The following TSTD2 variants were observed in gnomAD, a reference collection of about 807,000 sequenced individuals.
The protein encoded by TSTD2 is thiosulfate sulfurtransferase/rhodanese-like domain-containing protein 2.
A neutral mutation model predicts 47.9 loss-of-function variants in TSTD2; 37 were observed. That is an observed-to-expected ratio of 0.77 (90% CI 0.59 to 1.02). TSTD2 has a LOEUF of 1.02. Among genes scored for constraint, TSTD2 ranks in the 50% least tolerant of loss-of-function variants. TSTD2 has a pLI of 0.00. For synonymous variants in TSTD2, 201 were observed against 215.9 expected, an observed-to-expected ratio of 0.93 and a Z score of 0.61; for missense variants, 586 against 616.0, an observed-to-expected ratio of 0.95 and a Z score of 0.52.
At chr9:97,631,173 G>A (rs546306859) in intron 1 of TSTD2, among the ~76,000 whole-genome samples, 1 of 152,270 alleles carries the variant, frequency 6.6e-6, no homozygotes, top group East Asian at 1.9e-4. Flanking sequence ...CTGGAGTGCA[G>A]TGGGGTGATC....
At chr9:97,623,084 C>T (rs984131046) in intron 3 of TSTD2, among the ~76,000 whole-genome samples, 1 of 152,212 alleles carries the variant, frequency 6.6e-6, no homozygotes, top group African/African-American at 2.4e-5. Context: ...TGTGCCCCCA[C>T]CCAAATCTCA....
chr9:97,604,756 GC>G lies in TSTD2; in HGVS notation c.1222del (p.Ala408LeufsTer35). Reference sequence around the variant, plus strand: ...CACCACATCACTGTTGTAGGACAGAGCATAGCGTTCATCAAAAACAAACAAC... The same window carrying G: ...CACCACATCACTGTTGTAGGACAGAGATAGCGTTCATCAAAAACAAACAAC... Reference protein sequence around the residue: ...GKLFVFDERYALSYNSDVVSE... With the variant: ...GKLFVFDERYXLSYNSDVVSE... On this transcript the variant is annotated frameshift_variant, in exon 9 of 10. Transcript: ENST00000341170. LOFTEE classifies it high-confidence loss of function. 6.2e-7 allele frequency: 1 copy of G among 1,614,226 alleles called. No homozygotes were observed. Among genetic ancestry groups the G allele is most frequent in the East Asian group, 2.2e-5 (1 of 44,884 alleles).
intron 5 of TSTD2, 104 bp downstream of exon 5, chr9:97,611,470 T>G: frequency 7.7e-7 from 1 of 1,307,100 alleles, no homozygotes; most frequent in Non-Finnish European, 1.0e-6. Flanking sequence ...GAAAGGGTAT[T>G]TATTTGGCAC....
At chr9:97,619,145 T>C (rs1371488673) in intron 3 of TSTD2, among the ~76,000 whole-genome samples, 1 of 152,214 alleles carries the variant, frequency 6.6e-6, no homozygotes, top group Non-Finnish European at 1.5e-5. Flanking sequence ...AAGGCAGGCA[T>C]TATTATTCCA....
At position 97,601,572 on chromosome 9, in the gene TSTD2, GA is replaced by G; in HGVS notation, c.*896del. On this transcript the variant is annotated 3_prime_UTR_variant, in exon 10 of 10. Coordinates refer to ENST00000341170, the MANE Select transcript of TSTD2 (RefSeq NM_139246.5). ...AAGGCCACCTCTGCCTCTATCAGAT[GA>G]GCTGCTGGTCTAGATCAGGGGCTGG... 2 of 987,728 alleles carry G rather than the reference GA, an allele frequency of 2.0e-6. No individual in the cohort carries two copies. Among genetic ancestry groups the G allele is most frequent in the Non-Finnish European group, 2.4e-6 (2 of 831,506 alleles). 61.2% of individuals were successfully genotyped at this position (987,728 alleles called of 1,614,324 possible).
intron 3 of TSTD2, among the ~76,000 whole-genome samples, chr9:97,620,473 C>A (rs1313318098): frequency 6.6e-6 from 1 of 152,096 alleles, no homozygotes; most frequent in Admixed American, 6.5e-5. Flanking sequence ...AAAAGACACC[C>A]AAAAAGGTGG....
intron 3 of TSTD2, among the ~76,000 whole-genome samples, chr9:97,622,633 T>G (rs1240786493): frequency 6.6e-6 from 1 of 152,104 alleles, no homozygotes; most frequent in Non-Finnish European, 1.5e-5. Context: ...GTGAAAGCAG[T>G]CAGGAGGGAG....
chr9:97,615,242 C>G (rs1362250811), intron 4 of TSTD2, among the ~76,000 whole-genome samples: 2 of 152,196 alleles, frequency 1.3e-5, no homozygotes, highest in Non-Finnish European at 2.9e-5. Context: ...TTGTAAGAAA[C>G]TGAGAAGAAC....
At chr9:97,618,023 G>T in intron 3 of TSTD2, 146 bp from the exon 4 acceptor site, 1 of 1,091,896 alleles carries the variant, frequency 9.2e-7, no homozygotes, top group Non-Finnish European at 1.3e-6. Context: ...TTCTCCTCCT[G>T]AAATGAGAAG....
intron 4 of TSTD2, among the ~76,000 whole-genome samples, chr9:97,613,867 C>T (rs565536834): frequency 3.0e-3 from 426 of 141,368 alleles, no homozygotes; most frequent in African/African-American, 0.011. Context: ...CTCGCTGTGT[C>T]GCCCAGACTG....
intron 9 of TSTD2, chr9:97,603,200 G>C (rs1261192789): frequency 5.8e-6 from 1 of 173,296 alleles, no homozygotes; most frequent in African/African-American, 2.4e-5. Context: ...GTGAACATGC[G>C]CAGTCCACAC....
chr9:97,604,862 C>T lies in TSTD2; in HGVS notation c.1117G>A (p.Val373Met), dbSNP rs372665959. 8 of 1,613,818 alleles carry T rather than the reference C, an allele frequency of 5.0e-6. No individual in the cohort carries two copies. In the African/African-American group the frequency reaches 5.3e-5, roughly 11 times the overall value. The change falls in exon 9 of 10, where the codon GTG becomes ATG. Residue 373 changes from valine (V) to methionine (M), a missense_variant. By Grantham distance (21) the Val-to-Met change is conservative. Transcript: ENST00000341170. ...TTGAGCTGGAACACCTCCTTGCACACTCCCTAGGTGTGGAAAAACAACAGG... is the reference window on the plus strand; with the variant it reads ...TTGAGCTGGAACACCTCCTTGCACATTCCCTAGGTGTGGAAAAACAACAGG... ...RGSAYLKAKG[V>M]CKEVFQLKGG...
At chr9:97,630,505 AC>A (rs1169185476) in intron 1 of TSTD2, among the ~76,000 whole-genome samples, 15,754 of 152,140 alleles carry the variant, frequency 0.1, 2,789 homozygotes, top group African/African-American at 0.36. Context: ...AAACAAACAA[AC>A]AAATCATGAA....
Position 97,606,666 on chromosome 9 carries a change from A to G in TSTD2, c.836-405T>C, listed in dbSNP as rs183330531. Among the ~76,000 whole-genome samples, 545 of 152,320 alleles carry G rather than the reference A, an allele frequency of 3.6e-3. 8 individuals carry two copies. Among genetic ancestry groups the G allele is most frequent in the Non-Finnish European group, 3.0e-3 (201 of 68,042 alleles). ...GGCCACTGCTCTATTGTCACTGTAC[A>G]TGGAGGAGCTGGGCAAGTACGTGGC... On this transcript the variant is annotated intron_variant, in intron 6 of 9. Coordinates refer to ENST00000341170, the MANE Select transcript of TSTD2 (RefSeq NM_139246.5).
chr9:97,623,368 T>G (rs1347471655), intron 3 of TSTD2, among the ~76,000 whole-genome samples: 1 of 152,212 alleles, frequency 6.6e-6, no homozygotes, highest in Non-Finnish European at 1.5e-5. Flanking sequence ...ACCTCTTTCT[T>G]TTGTAAATTG....
chr9:97,605,909 C>A (rs974169513), intron 7 of TSTD2, among the ~76,000 whole-genome samples: 4 of 152,336 alleles, frequency 2.6e-5, no homozygotes, highest in Admixed American at 1.3e-4. Flanking sequence ...AAGGCAGGCT[C>A]ATGGGAGTCA....
intron 4 of TSTD2, among the ~76,000 whole-genome samples, 154 bp downstream of exon 4, chr9:97,617,603 G>C (rs1023625714): frequency 6.6e-6 from 1 of 152,188 alleles, no homozygotes; most frequent in African/African-American, 2.4e-5. Flanking sequence ...CATGTTAATG[G>C]CTGCCTAATA....
chr9:97,606,184 T>G lies in TSTD2; in HGVS notation c.913A>C (p.Thr305Pro), dbSNP rs1468719643. ...AAGTTTCTGCAATCAAGAAGGATAG[T>G]ATCACTTTGTTCTTGATTTGCCTGA... ...LSQANQEQSDTILLDCRNFYE... is the reference protein window; with the variant it reads ...LSQANQEQSDPILLDCRNFYE... The change falls in exon 7 of 10, where the codon ACT (threonine) becomes CCT (proline). Residue 305 changes from threonine (T) to proline (P), a missense_variant. By Grantham distance (38) the Thr-to-Pro change is conservative. Transcript: ENST00000341170. 6 of 1,612,824 alleles carry G rather than the reference T, an allele frequency of 3.7e-6. No homozygotes were observed. The South Asian group carries it at 4.4e-5, about 12-fold the overall frequency.
chr9:97,604,723 C>T lies in TSTD2; in HGVS notation c.1252+4G>A, dbSNP rs895470468. 6.2e-7 allele frequency: 1 copy of T among 1,614,014 alleles called. No homozygotes were observed. Among genetic ancestry groups the T allele is most frequent in the African/African-American group, 1.3e-5 (1 of 74,938 alleles). ...GTTTGGGCTCTGAGCCTGTGCTGAC[C>T]TACCTGACACCACATCACTGTTGTA... is the stretch of plus-strand genomic sequence containing the variant. On this transcript the variant is annotated splice_donor_region_variant and intron_variant, in intron 9 of 9. Transcript: ENST00000341170.
Sources: gnomAD v4.1 joint callset for allele counts (sites outside exome capture counted in the v4.1 genomes callset) on GRCh38, gnomAD v4.1.1 for gene constraint, MANE v1.5 for transcripts, NCBI Gene and HGNC (gene_info 2026-07-23, HGNC 2026-07-21) for gene names.